The following TMEM233 variants were observed in gnomAD, a reference collection of about 807,000 sequenced individuals.
TMEM233 encodes the protein dispanin subfamily B member 2.
A neutral mutation model predicts 11.2 loss-of-function variants in TMEM233; 6 were observed. The ratio of observed to expected loss-of-function variants is 0.54; its 90% confidence interval spans 0.29 to 1.06. The LOEUF (loss-of-function observed/expected upper bound fraction) is 1.06, where lower values mean the gene tolerates loss of function less well. Among genes scored for constraint, TMEM233 ranks in the 50% least tolerant of loss-of-function variants. The probability of loss-of-function intolerance (pLI) is 0.08; values close to 1 mark genes in which losing one functional copy is unlikely to be tolerated. For synonymous variants in TMEM233, 59 were observed against 55.8 expected (o/e 1.06, Z -0.26); for missense variants, 127 against 144.7 (o/e 0.88, Z 0.63).
intron 1 of TMEM233, among the ~76,000 whole-genome samples, chr12:119,623,993 A>C (rs901920875): frequency 6.6e-6 from 1 of 152,090 alleles, no homozygotes; most frequent in African/African-American, 2.4e-5. Flanking sequence ...GGGCATCTTG[A>C]CCTTGAAGGA....
the TMEM233 span, among the ~76,000 whole-genome samples, chr12:119,653,007 A>G: frequency 3.3e-5 from 5 of 152,340 alleles, no homozygotes; most frequent in East Asian, 9.6e-4. Context: ...TAGTAATTTC[A>G]CTACCAGTTA....
intron 2 of TMEM233, among the ~76,000 whole-genome samples, chr12:119,636,316 T>C (rs1954968716): frequency 6.6e-6 from 1 of 152,110 alleles, no homozygotes; most frequent in Non-Finnish European, 1.5e-5. Flanking sequence ...TAGTACCCAG[T>C]CTACAAGGGT....
intron 2 of TMEM233, among the ~76,000 whole-genome samples, chr12:119,638,611 A>T (rs1356715340): frequency 2.0e-5 from 3 of 152,234 alleles, no homozygotes; most frequent in Non-Finnish European, 2.9e-5. Context: ...TGGGAACCAC[A>T]GACGTGCAAC....
intron 1 of TMEM233, among the ~76,000 whole-genome samples, chr12:119,614,372 AC>A (rs891278202): frequency 6.6e-6 from 1 of 151,582 alleles, no homozygotes; most frequent in Non-Finnish European, 1.5e-5. Context: ...GCACCACTGC[AC>A]TCCAGGCTGG....
At chr12:119,622,211 T>C (rs1252698589) in intron 1 of TMEM233, among the ~76,000 whole-genome samples, 1 of 152,222 alleles carries the variant, frequency 6.6e-6, no homozygotes, top group African/African-American at 2.4e-5. Flanking sequence ...GTGTCAGTTT[T>C]CTTTTCATAT....
At chr12:119,614,548 A>G (rs1455435731) in intron 1 of TMEM233, among the ~76,000 whole-genome samples, 1 of 152,234 alleles carries the variant, frequency 6.6e-6, no homozygotes, top group Non-Finnish European at 1.5e-5. Flanking sequence ...AAGTAAAGTC[A>G]TCTACCTGGT....
At chr12:119,649,058 G>A in the TMEM233 span, among the ~76,000 whole-genome samples, 4 of 152,226 alleles carry the variant, frequency 2.6e-5, no homozygotes, top group Non-Finnish European at 5.9e-5. Context: ...AGCACTTTGG[G>A]AGGCCGAGGT....
chr12:119,643,430 C>CAAAG (rs1347775528), downstream of TMEM233, among the ~76,000 whole-genome samples: 2 of 152,176 alleles, frequency 1.3e-5, no homozygotes, highest in Non-Finnish European at 2.9e-5. Flanking sequence ...GAGCTTCCTC[C>CAAAG]AAAGCTAAGA....
chr12:119,626,578 AGAGAAGAGAAGAGAAGAGAAAAAAG>A (rs1429440167), intron 1 of TMEM233, among the ~76,000 whole-genome samples: 39 of 145,892 alleles, frequency 2.7e-4, no homozygotes, highest in Non-Finnish European at 5.1e-4. Flanking sequence ...AGAGAAGAGA[AGAGAAGAGAAGAGAAGAGAAAAAAG>A]AAAAGAAAAG....
At chr12:119,639,262 AG>A (rs943959928) in intron 2 of TMEM233, among the ~76,000 whole-genome samples, 3 of 152,110 alleles carry the variant, frequency 2.0e-5, no homozygotes, top group African/African-American at 7.2e-5. Flanking sequence ...TACTGGCATG[AG>A]AACTCCAGGG....
At chr12:119,633,785 C>T (rs1183657905) in intron 2 of TMEM233, among the ~76,000 whole-genome samples, 1 of 152,138 alleles carries the variant, frequency 6.6e-6, no homozygotes, top group African/African-American at 2.4e-5. Context: ...ATCTCCCAGC[C>T]CTCATTTACA....
At position 119,629,787 on chromosome 12, in the gene TMEM233, C is replaced by T. The variant is rs537113870; in HGVS notation, c.238C>T (p.Arg80Trp). The T allele has an allele frequency of 2.9e-5, 45 of 1,551,636 alleles. No individual in the cohort carries two copies. In the African/African-American group the frequency reaches 3.1e-4, roughly 11 times the overall value. The change falls in exon 2 of 3, where the codon CGG becomes TGG. Residue 80 changes from arginine to tryptophan, a missense_variant. By Grantham distance (101) the Arg-to-Trp change is moderately radical. Transcript: ENST00000426426. ...GDYEGARRLG[R>W]NAKWVAIASI... ...CTACGAAGGAGCCAGGCGGCTTGGG[C>T]GGAATGCTAAGTGGGTAGCCATCGC...
At chr12:119,653,391 C>CAAAAAAAA in the TMEM233 span, among the ~76,000 whole-genome samples, 3 of 81,404 alleles carry the variant, frequency 3.7e-5, no homozygotes, top group Non-Finnish European at 4.5e-5. Context: ...GACGCCACCT[C>CAAAAAAAA]AAAAAAAAAA....
Position 119,593,786 on chromosome 12 carries a change from C to A in TMEM233, c.-63C>A. 1 of 1,482,032 alleles carries A rather than the reference C, an allele frequency of 6.7e-7. No individual in the cohort carries two copies. The highest frequency in any genetic ancestry group is 1.3e-5 in the South Asian group (1 of 76,138). 91.8% of individuals were successfully genotyped at this position (1,482,032 alleles called of 1,614,324 possible). On this transcript the variant is annotated 5_prime_UTR_variant, in exon 1 of 3. Coordinates refer to ENST00000426426, the MANE Select transcript of TMEM233 (RefSeq NM_001136534.3). The surrounding 1 kb of genome is among the most constrained non-coding windows in gnomAD (Gnocchi z 4.1). The stretch of plus-strand genomic sequence containing the variant: ...TCAGAGCCTCGCCACAAGCCGGCGG[C>A]CAGAGCCCCAGACCACACAGACCGT...
the TMEM233 span, among the ~76,000 whole-genome samples, chr12:119,653,980 A>C: frequency 1.6e-4 from 25 of 151,814 alleles, no homozygotes; most frequent in African/African-American, 6.0e-4. Context: ...CTAAAAAAAA[A>C]AAAAACAAAA....
rs12818114 is a variant in TMEM233 at position 119,607,363 on chromosome 12, G to A, written c.186+13329G>A. On this transcript the variant is annotated intron_variant, in intron 1 of 2. Coordinates refer to ENST00000426426, the MANE Select transcript of TMEM233 (RefSeq NM_001136534.3). ...CTCCAGTGGCGCAATCGGTTAGCGC[G>A]CGGTATTTCTACAATATCACCTACC... Among the ~76,000 whole-genome samples the A allele has an allele frequency of 3.3e-3, 504 of 152,216 alleles. 1 individual carries two copies. The highest frequency in any genetic ancestry group is 4.9e-3 in the Non-Finnish European group (334 of 68,006).
At chr12:119,599,324 A>T (rs950557309) in intron 1 of TMEM233, among the ~76,000 whole-genome samples, 6 of 152,212 alleles carry the variant, frequency 3.9e-5, no homozygotes, top group African/African-American at 1.4e-4. Context: ...TAAATTCTTG[A>T]GAGGATGGAT....
intron 1 of TMEM233, among the ~76,000 whole-genome samples, chr12:119,617,610 G>A (rs2136727350): frequency 6.6e-6 from 1 of 152,270 alleles, no homozygotes; most frequent in Admixed American, 6.5e-5. Context: ...AAGGTGGGCA[G>A]ATTACCTGAG....
At chr12:119,636,315 G>C (rs1954968667) in intron 2 of TMEM233, among the ~76,000 whole-genome samples, 1 of 152,108 alleles carries the variant, frequency 6.6e-6, no homozygotes, top group East Asian at 1.9e-4. Flanking sequence ...CTAGTACCCA[G>C]TCTACAAGGG....
Sources: allele counts gnomAD v4.1 joint callset (sites outside exome capture counted in the v4.1 genomes callset), GRCh38; gene constraint gnomAD v4.1.1; non-coding constraint Gnocchi (gnomAD v3.1); transcripts MANE v1.5; gene names NCBI Gene and HGNC (gene_info 2026-07-23, HGNC 2026-07-21).